Variants in CNGA2 observed in about 807,000 individuals in gnomAD.
CNGA2 encodes cyclic nucleotide-gated channel alpha-2.
CNGA2 carries 22 observed loss-of-function variants against 35.9 expected under a neutral mutation model. The ratio of observed to expected loss-of-function variants is 0.61; its 90% CI spans 0.44 to 0.88. CNGA2 has a LOEUF of 0.88. CNGA2 is among the 40% of genes least tolerant of loss of function. The pLI, the probability that CNGA2 is intolerant of heterozygous loss-of-function variation, is 0.00. For missense variants in CNGA2, 555 were observed against 530.8 expected (o/e 1.05, Z -0.45); for synonymous variants, 217 against 209.2 (o/e 1.04, Z -0.32).
rs2015359209 is a variant in CNGA2, at chrX:151,744,752, G to A, written c.*254G>A. 3.1e-6 allele frequency: 1 copy of A among 320,308 alleles called. No individual in the cohort carries two copies. The highest frequency in any genetic ancestry group is 4.4e-5 in the East Asian group (1 of 22,750). The allele number at this position is 320,308 out of a possible 1,213,427, so 26.4% of individuals were successfully genotyped here. On this transcript the variant is annotated 3_prime_UTR_variant, in exon 7 of 7. Transcript: ENST00000329903. ...GGCCTGCCTAAGTCTGAGGAAGGGA[G>A]AAGGGGGCAGCTGTCTGCCAGGAGT... is the stretch of plus-strand genomic sequence containing the variant.
chrX:151,744,402 C>T lies in CNGA2; in HGVS notation c.1899C>T (p.Ile633=), dbSNP rs1369299560. ...TGAQQKLKQR[I]TVLETKMKQN... Reference sequence around the variant, plus strand: ...CCCAGCAGAAGCTCAAGCAGCGCATCACAGTTCTGGAAACCAAGATGAAAC... The same window carrying T: ...CCCAGCAGAAGCTCAAGCAGCGCATTACAGTTCTGGAAACCAAGATGAAAC... The change falls in exon 7 of 7, where the codon ATC becomes ATT. Residue 633 remains isoleucine, a synonymous_variant. Transcript: ENST00000329903. 9.1e-6 allele frequency: 11 copies of T among 1,210,985 alleles called. No individual in the cohort carries two copies. Among genetic ancestry groups the T allele is most frequent in the Non-Finnish European group, 1.2e-5 (11 of 895,212 alleles).
At position 151,738,884 on chromosome X, in the gene CNGA2, G is replaced by C; in HGVS notation, c.203+5G>C. On this transcript the variant is annotated splice_donor_5th_base_variant and intron_variant, in intron 3 of 6. Transcript: ENST00000329903. ...GGGAAGGAGTGGCTTCCGCAGGTGG[G>C]TCCCACCACTACCCTGCTGCTTCCC... 8.7e-7 allele frequency: 1 copy of C among 1,154,070 alleles called. No individual in the cohort carries two copies. The highest frequency in any genetic ancestry group is 3.2e-5 in the East Asian group (1 of 31,061).
chrX:151,737,436 C>G (rs2015258830), intron 1 of CNGA2, among the ~76,000 whole-genome samples: 1 of 111,931 alleles, frequency 8.9e-6, no homozygotes, highest in Admixed American at 9.4e-5. Flanking sequence ...TGCCCCAGAC[C>G]CTCACTCTGT....
chrX:151,742,866 G>C (rs1188074838), intron 6 of CNGA2, among the ~76,000 whole-genome samples: 1 of 92,766 alleles, frequency 1.1e-5, no homozygotes, highest in Non-Finnish European at 2.1e-5. Context: ...TCCTTCCTTG[G>C]GAAGGAAGTT....
intron 1 of CNGA2, among the ~76,000 whole-genome samples, chrX:151,736,762 T>C (rs2015251044): frequency 9.0e-6 from 1 of 110,783 alleles, no homozygotes; most frequent in Non-Finnish European, 1.9e-5. Flanking sequence ...GGAATCTGCC[T>C]TTGTGACAGA....
chrX:151,735,682 C>T (rs2015240736), intron 1 of CNGA2, among the ~76,000 whole-genome samples: 1 of 111,693 alleles, frequency 9.0e-6, no homozygotes, highest in South Asian at 3.8e-4. Flanking sequence ...CTCCTCAAAA[C>T]CTTTAAGCTT....
chrX:151,742,438 G>A lies in CNGA2; in HGVS notation c.483-98G>A, dbSNP rs144440808. Reference sequence around the variant, plus strand: ...CTGTGACTAAATGATGCCCCTGGTAGCCATCCCAAGCCCTGCACACAGTGA... The same window carrying A: ...CTGTGACTAAATGATGCCCCTGGTAACCATCCCAAGCCCTGCACACAGTGA... On this transcript the variant is annotated intron_variant, in intron 5 of 6. Coordinates refer to ENST00000329903, the MANE Select transcript of CNGA2 (RefSeq NM_005140.3). 1,148 of 558,520 alleles carry A rather than the reference G, an allele frequency of 2.1e-3. 14 individuals are homozygous for A. The African/African-American group carries it at 0.024, about 12-fold the overall frequency. 46.0% of individuals were successfully genotyped at this position (558,520 alleles called of 1,213,427 possible).
At chrX:151,739,127 C>A (rs1215193982) in intron 3 of CNGA2, among the ~76,000 whole-genome samples, 5 of 112,732 alleles carry the variant, frequency 4.4e-5, no homozygotes, top group Non-Finnish European at 7.5e-5. Context: ...GGAGCGATAT[C>A]CTTCCCGGTA....
chrX:151,738,746 G>A, intron 2 of CNGA2, 41 bp from the exon 3 acceptor site: 1 of 1,127,294 alleles, frequency 8.9e-7, no homozygotes, highest in Non-Finnish European at 1.2e-6. Context: ...GACAAGTCAT[G>A]CCCTGAGAAC....
chrX:151,736,745 G>A (rs1019363060), intron 1 of CNGA2, among the ~76,000 whole-genome samples: 4 of 110,746 alleles, frequency 3.6e-5, no homozygotes, highest in Non-Finnish European at 5.7e-5. Flanking sequence ...AGGGGTCATG[G>A]GGTGGGGGAA....
chrX:151,742,689 A>G (rs750323832), intron 6 of CNGA2, 47 bp downstream of exon 6: 18 of 991,039 alleles, frequency 1.8e-5, no homozygotes, highest in Admixed American at 2.3e-5. Flanking sequence ...CCTGAGTCCA[A>G]ATTTTTAGGA....
chrX:151,741,893 A>G (rs1340607589), intron 5 of CNGA2, among the ~76,000 whole-genome samples: 1 of 112,195 alleles, frequency 8.9e-6, no homozygotes, highest in Non-Finnish European at 1.9e-5. Flanking sequence ...GTGACCAAGT[A>G]GTCAGACTTA....
chrX:151,740,931 C>T (rs752522510), intron 5 of CNGA2, 30 bp downstream of exon 5: 1 of 1,088,692 alleles, frequency 9.2e-7, no homozygotes, highest in Non-Finnish European at 1.3e-6. Context: ...GGAGGGGTGG[C>T]CAAAGCAACC....
At chrX:151,742,990 A>ATGTATATATGTGTG (rs1556285196) in intron 6 of CNGA2, 103 bp from the exon 7 acceptor site, 2 of 22,910 alleles carry the variant, frequency 8.7e-5, no homozygotes, top group Non-Finnish European at 1.7e-4. Context: ...ATACATATAT[A>ATGTATATATGTGTG]TGTGTATATA....
chrX:151,744,524 G>A lies in CNGA2; in HGVS notation c.*26G>A, dbSNP rs1403769740. ...GACCTGGGGCCCAACTGCCTCTCCA[G>A]CATTGGCCTTGGCCTTGATCCCAGA... On this transcript the variant is annotated 3_prime_UTR_variant, in exon 7 of 7. Transcript: ENST00000329903. 1.1e-6 allele frequency: 1 copy of A among 948,569 alleles called. No homozygotes were observed. Among genetic ancestry groups the A allele is most frequent in the Admixed American group, 3.1e-5 (1 of 32,412 alleles). 78.2% of individuals were successfully genotyped at this position (948,569 alleles called of 1,213,427 possible). A position where few individuals can be genotyped will look rare whatever the true frequency, so the allele number is the denominator to read the frequency against.
intron 1 of CNGA2, among the ~76,000 whole-genome samples, chrX:151,737,166 T>G (rs1318429922): frequency 8.9e-6 from 1 of 111,922 alleles, no homozygotes; most frequent in Non-Finnish European, 1.9e-5. Flanking sequence ...GCTTCCGGAC[T>G]GTGGGTCCAG....
chrX:151,741,513 TG>T (rs754697139), intron 5 of CNGA2, among the ~76,000 whole-genome samples: 1 of 112,304 alleles, frequency 8.9e-6, no homozygotes, highest in African/African-American at 3.2e-5. Flanking sequence ...TGCTCAGTGC[TG>T]GGGATAATGT....
rs1433831802 is a variant in CNGA2 at position 151,743,605 on chromosome X, G to A, written c.1102G>A (p.Val368Met). Residue 368 changes from valine (V) to methionine (M), a missense_variant, in exon 7 of 7, where the codon GTG (valine) becomes ATG (methionine). Coordinates refer to ENST00000329903, the MANE Select transcript of CNGA2 (RefSeq NM_005140.3). ...TGGCGTCCTCATCTTTGCCACCATC[G>A]TGGGAAATGTGGGCTCCATGATCTC... ...LIGVLIFATI[V>M]GNVGSMISNM... 3.6e-5 allele frequency: 44 copies of A among 1,209,197 alleles called. No homozygotes were observed. The highest frequency in any genetic ancestry group is 8.8e-5 in the Admixed American group (4 of 45,619).
At chrX:151,740,640 T>C (rs1033382186) in intron 4 of CNGA2, among the ~76,000 whole-genome samples, 154 bp from the exon 5 acceptor site, 7 of 112,351 alleles carry the variant, frequency 6.2e-5, no homozygotes, top group African/African-American at 2.3e-4. Context: ...TGTAGTTCCC[T>C]GAAAAATGTG....
Sources: gnomAD v4.1 joint callset for allele counts (sites outside exome capture counted in the v4.1 genomes callset) on GRCh38, gnomAD v4.1.1 for gene constraint, MANE v1.5 for transcripts, NCBI Gene and HGNC (gene_info 2026-07-23, HGNC 2026-07-21) for gene names.